Variants in IMMP2L observed in about 807,000 individuals in gnomAD.
The protein encoded by IMMP2L is inner mitochondrial membrane peptidase subunit 2, also known as mitochondrial inner membrane protease subunit 2.
A neutral mutation model predicts 19.3 loss-of-function variants in IMMP2L; 18 were observed. That is an observed-to-expected ratio of 0.93 (90% CI 0.64 to 1.38). The LOEUF (loss-of-function observed/expected upper bound fraction) is 1.38, where lower values mean the gene tolerates loss of function less well. Ranked by LOEUF, IMMP2L falls within the 40% of genes most tolerant of loss-of-function variation. IMMP2L has a pLI of 0.00. For synonymous variants in IMMP2L, 76 were observed against 73.0 expected (o/e 1.04, Z -0.21); for missense variants, 233 against 218.2 (o/e 1.07, Z -0.43).
intron 3 of IMMP2L, among the ~76,000 whole-genome samples, chr7:111,237,764 T>C (rs924829020): frequency 6.6e-6 from 1 of 151,986 alleles, no homozygotes; most frequent in Non-Finnish European, 1.5e-5. Context: ...GTTTAAGATC[T>C]AGAGGCTTTA....
At chr7:110,983,198 A>G (rs1267184963) in intron 3 of IMMP2L, among the ~76,000 whole-genome samples, 1 of 152,130 alleles carries the variant, frequency 6.6e-6, no homozygotes, top group Non-Finnish European at 1.5e-5. Flanking sequence ...TAAAACAAAC[A>G]AAAACTAACA....
chr7:110,815,298 G>C (rs1218752634), intron 5 of IMMP2L, among the ~76,000 whole-genome samples: 1 of 152,076 alleles, frequency 6.6e-6, no homozygotes, highest in South Asian at 2.1e-4. Flanking sequence ...AACCAGCCTT[G>C]CATCCCAGGG....
intron 3 of IMMP2L, among the ~76,000 whole-genome samples, chr7:111,050,709 C>T (rs1792925850): frequency 6.6e-6 from 1 of 152,118 alleles, no homozygotes; most frequent in Admixed American, 6.5e-5. Flanking sequence ...CAATACCAGC[C>T]TAAAAAATAT....
At chr7:110,992,427 A>T (rs1313513055) in intron 3 of IMMP2L, among the ~76,000 whole-genome samples, 2 of 152,030 alleles carry the variant, frequency 1.3e-5, no homozygotes, top group Admixed American at 6.6e-5. Flanking sequence ...GTAGTTCATA[A>T]ATATTAACAA....
At position 110,752,268 on chromosome 7, in the gene IMMP2L, C is replaced by T. The variant is rs561384230; in HGVS notation, c.409-88547G>A. On this transcript the variant is annotated intron_variant, in intron 5 of 5. Transcript: ENST00000405709. ...TACTGATGGTAATTACAATAGATTT[C>T]TTGGGATGCATAATTGGCCATTACT... 3.3e-5 allele frequency among the ~76,000 whole-genome samples: 5 copies of T among 151,990 alleles called. No homozygotes were observed. The East Asian group carries it at 9.7e-4, about 29-fold the overall frequency.
intron 3 of IMMP2L, among the ~76,000 whole-genome samples, chr7:111,016,549 T>G (rs2129564849): frequency 8.4e-6 from 1 of 119,624 alleles, no homozygotes; most frequent in East Asian, 2.3e-4. Context: ...TTATAATATA[T>G]AGTATATATA....
At chr7:110,948,799 T>A (rs999209634) in intron 4 of IMMP2L, among the ~76,000 whole-genome samples, 1 of 152,174 alleles carries the variant, frequency 6.6e-6, no homozygotes, top group East Asian at 1.9e-4. Context: ...CCAGAAGAGA[T>A]TGGCTTTGAG....
intron 3 of IMMP2L, among the ~76,000 whole-genome samples, chr7:111,444,308 G>T (rs984459708): frequency 6.6e-6 from 1 of 152,044 alleles, no homozygotes; most frequent in Non-Finnish European, 1.5e-5. Context: ...GCACACACAT[G>T]CACATAACAA....
rs115636834 is a variant in IMMP2L, at chr7:111,073,286, G to C, written c.240-109721C>G. Reference sequence around the variant, plus strand: ...TGTGTGGTGGGGGAGACAGAGAGAGGAGGAGAGAGAGCAAGAATGAGAGTG... The same window carrying C: ...TGTGTGGTGGGGGAGACAGAGAGAGCAGGAGAGAGAGCAAGAATGAGAGTG... On this transcript the variant is annotated intron_variant, in intron 3 of 5. Transcript: ENST00000405709. Among the ~76,000 whole-genome samples the C allele has an allele frequency of 9.5e-3, 1,453 of 152,216 alleles. 24 individuals are homozygous for C. The highest frequency in any genetic ancestry group is 0.033 in the African/African-American group (1,370 of 41,498).
At chr7:110,983,194 A>G (rs1821486717) in intron 3 of IMMP2L, among the ~76,000 whole-genome samples, 1 of 152,228 alleles carries the variant, frequency 6.6e-6, no homozygotes, top group South Asian at 2.1e-4. Flanking sequence ...TCTATAAAAC[A>G]AACAAAAACT....
In IMMP2L at chr7:110,717,506, T is replaced by C. The variant is rs532644402; in HGVS notation, c.409-53785A>G. Among the ~76,000 whole-genome samples the C allele has an allele frequency of 9.2e-5, 14 of 152,196 alleles. No individual in the cohort carries two copies. The East Asian group carries it at 2.7e-3, about 29-fold the overall frequency. On this transcript the variant is annotated intron_variant, in intron 5 of 5. Coordinates refer to ENST00000405709, the MANE Select transcript of IMMP2L (RefSeq NM_032549.4). ...AAACAAAAACAAAAACAACTCAAAG[T>C]GTAAGCACCCAAAGGGAAGGTACTT...
rs28374638 is a variant in IMMP2L at position 110,906,883 on chromosome 7, C to A, written c.306-20188G>T. On this transcript the variant is annotated intron_variant, in intron 4 of 5. Transcript: ENST00000405709. ...TAGTGAAGCCAGATATCGCCCTGAC[C>A]CCTTTGCGAGCCTTGCAACAGGGGT... Among the ~76,000 whole-genome samples the A allele has an allele frequency of 9.7e-3, 1,476 of 152,144 alleles. 21 individuals are homozygous for A. The highest frequency in any genetic ancestry group is 0.033 in the African/African-American group (1,363 of 41,500).
At chr7:110,880,185 C>T (rs1809501508) in intron 5 of IMMP2L, among the ~76,000 whole-genome samples, 1 of 152,038 alleles carries the variant, frequency 6.6e-6, no homozygotes, top group Non-Finnish European at 1.5e-5. Flanking sequence ...ATGAGTCTTA[C>T]TATGAATAAT....
At chr7:111,418,234 T>C (rs1322015603) in intron 3 of IMMP2L, among the ~76,000 whole-genome samples, 2 of 151,858 alleles carry the variant, frequency 1.3e-5, no homozygotes, top group African/African-American at 2.4e-5. Context: ...AATTTGCATC[T>C]GTAATTTTGT....
At chr7:110,961,746 A>T (rs1818966976) in intron 4 of IMMP2L, among the ~76,000 whole-genome samples, 2 of 151,904 alleles carry the variant, frequency 1.3e-5, no homozygotes, top group Admixed American at 1.3e-4. Context: ...ATAAACTAAT[A>T]ACATGCACAA....
chr7:111,025,195 C>T (rs143537095), intron 3 of IMMP2L, among the ~76,000 whole-genome samples: 5 of 152,252 alleles, frequency 3.3e-5, no homozygotes, highest in Admixed American at 1.3e-4. Flanking sequence ...GGGGCCTATA[C>T]GCACCAGGCA....
intron 3 of IMMP2L, among the ~76,000 whole-genome samples, chr7:111,333,475 A>G (rs1327186867): frequency 6.6e-6 from 1 of 151,972 alleles, no homozygotes; most frequent in Non-Finnish European, 1.5e-5. Flanking sequence ...GAAGACTATG[A>G]TTTCAGGAAA....
intron 5 of IMMP2L, chr7:110,725,684 T>C (rs141778845): frequency 1.3e-5 from 2 of 152,284 alleles, no homozygotes; most frequent in East Asian, 3.9e-4. Context: ...ATGGAGAAGG[T>C]AGATAGCTAA....
chr7:110,812,131 C>G (rs190268826), intron 5 of IMMP2L, among the ~76,000 whole-genome samples: 1 of 152,112 alleles, frequency 6.6e-6, no homozygotes, highest in East Asian at 1.9e-4. Flanking sequence ...TATGTAGTTT[C>G]TAAATAGAGT....
Sources: allele counts gnomAD v4.1 joint callset (sites outside exome capture counted in the v4.1 genomes callset), GRCh38; gene constraint gnomAD v4.1.1; transcripts MANE v1.5; gene names NCBI Gene and HGNC (gene_info 2026-07-23, HGNC 2026-07-21).